The following ACBD6 variants were observed in gnomAD, a reference collection of about 807,000 sequenced individuals.
ACBD6 encodes acyl-CoA-binding domain-containing protein 6.
A neutral mutation model predicts 37.2 loss-of-function variants in ACBD6; 28 were observed. The observed-to-expected ratio is 0.75, with a 90% CI of 0.56 to 1.03. The LOEUF (loss-of-function observed/expected upper bound fraction) is 1.03. Ranked by LOEUF, ACBD6 falls within the 50% of genes least tolerant of loss-of-function variation. The probability of loss-of-function intolerance (pLI) is 0.00; values close to 1 mark genes in which losing one functional copy is unlikely to be tolerated. For missense variants in ACBD6, 340 were observed against 337.4 expected (o/e 1.01, Z -0.06); for synonymous variants, 113 against 126.8 (o/e 0.89, Z 0.73).
intron 3 of ACBD6, among the ~76,000 whole-genome samples, chr1:180,453,892 G>A (rs1182828472): frequency 1.3e-5 from 2 of 152,006 alleles, no homozygotes; most frequent in African/African-American, 2.4e-5. Flanking sequence ...AAATAAGAGA[G>A]GACATAAACA....
chr1:180,274,086 G>A (rs1223280211), exon 11 of ACBD6: 1 of 1,467,990 alleles, frequency 6.8e-7, no homozygotes, highest in Non-Finnish European at 9.5e-7. Flanking sequence ...TGCCATCCTT[G>A]GGCATCTTTC....
chr1:180,392,814 CGAGAGGG>C (rs1365593069), intron 6 of ACBD6, among the ~76,000 whole-genome samples: 78 of 151,964 alleles, frequency 5.1e-4, no homozygotes, highest in African/African-American at 1.8e-3. Flanking sequence ...AGGTATTCAC[CGAGAGGG>C]CGCAGGGCTA....
intron 3 of ACBD6, among the ~76,000 whole-genome samples, chr1:180,465,692 C>T (rs950240456): frequency 3.3e-5 from 5 of 152,046 alleles, no homozygotes; most frequent in Non-Finnish European, 7.4e-5. Context: ...AAGCATTTTA[C>T]CCAAAGACAC....
At chr1:180,318,666 A>G (rs1650930968) in intron 6 of ACBD6, among the ~76,000 whole-genome samples, 1 of 152,106 alleles carries the variant, frequency 6.6e-6, no homozygotes, top group Non-Finnish European at 1.5e-5. Context: ...ACCCACCTTC[A>G]CCGCCACCCC....
At position 180,436,457 on chromosome 1, in the gene ACBD6, G is replaced by A. The variant is rs74132848; in HGVS notation, c.385-6195C>T. Among the ~76,000 whole-genome samples, 1,017 of 152,246 alleles carry A rather than the reference G, an allele frequency of 6.7e-3. 17 individuals are homozygous for A. Among genetic ancestry groups the A allele is most frequent in the African/African-American group, 0.023 (970 of 41,540 alleles). ...AACGTCTGCAGAGTGGTGTGGTCAC[G>A]ATTCTTTTGTGCCATTTTGGGGTGG... is the stretch of plus-strand genomic sequence containing the variant. On this transcript the variant is annotated intron_variant, in intron 3 of 7. Transcript: ENST00000367595.
chr1:180,416,259 C>T (rs1648091194), intron 4 of ACBD6, among the ~76,000 whole-genome samples: 1 of 152,052 alleles, frequency 6.6e-6, no homozygotes, highest in Non-Finnish European at 1.5e-5. Flanking sequence ...TCCTTTCTTG[C>T]CCCCTAAAAT....
intron 5 of ACBD6, among the ~76,000 whole-genome samples, chr1:180,404,151 A>G (rs1189813986): frequency 6.6e-6 from 1 of 152,046 alleles, no homozygotes; most frequent in Non-Finnish European, 1.5e-5. Flanking sequence ...GGGTTTCACC[A>G]TGTTGGCCAA....
chr1:180,375,276 C>A (rs1319322776), intron 6 of ACBD6, among the ~76,000 whole-genome samples: 2 of 151,914 alleles, frequency 1.3e-5, no homozygotes, highest in African/African-American at 2.4e-5. Context: ...AAATTAAACC[C>A]CAAACATAAG....
chr1:180,452,117 A>C (rs1649729618), intron 3 of ACBD6, among the ~76,000 whole-genome samples: 1 of 152,172 alleles, frequency 6.6e-6, no homozygotes, highest in South Asian at 2.1e-4. Context: ...TTAGAGGGAA[A>C]TTTATAGCAC....
chr1:180,456,465 G>A (rs1649929152), intron 3 of ACBD6, among the ~76,000 whole-genome samples: 1 of 152,072 alleles, frequency 6.6e-6, no homozygotes, highest in Admixed American at 6.6e-5. Context: ...GTATTTTATT[G>A]AGGATCGGCT....
At chr1:180,392,016 T>C (rs745554136) in intron 6 of ACBD6, among the ~76,000 whole-genome samples, 1 of 152,128 alleles carries the variant, frequency 6.6e-6, no homozygotes, top group African/African-American at 2.4e-5. Context: ...CTCTCACAAA[T>C]GTTATGTTGA....
intron 7 of ACBD6, among the ~76,000 whole-genome samples, chr1:180,311,249 T>A (rs766326871): frequency 3.3e-5 from 5 of 152,132 alleles, no homozygotes; most frequent in Admixed American, 1.3e-4. Context: ...TGATGGGACT[T>A]TGGAGGCAAG....
intron 3 of ACBD6, among the ~76,000 whole-genome samples, chr1:180,430,745 T>C (rs182021150): frequency 4.1e-5 from 6 of 146,382 alleles, no homozygotes; most frequent in Admixed American, 3.4e-4. Flanking sequence ...AGAGGAGGGA[T>C]AGGAAAGGAG....
chr1:180,306,585 G>A (rs1166780687), intron 7 of ACBD6, among the ~76,000 whole-genome samples: 1 of 152,026 alleles, frequency 6.6e-6, no homozygotes, highest in Non-Finnish European at 1.5e-5. Context: ...TTTTGTGTCT[G>A]GCATCTCAGC....
chr1:180,440,742 C>A (rs1188315010), intron 3 of ACBD6, among the ~76,000 whole-genome samples: 1 of 152,122 alleles, frequency 6.6e-6, no homozygotes, highest in Non-Finnish European at 1.5e-5. Flanking sequence ...CAACACCAAT[C>A]TGCTTTCTGT....
At chr1:180,286,697 T>A (rs1649511566), downstream of ACBD6, among the ~76,000 whole-genome samples, 1 of 152,216 alleles carries the variant, frequency 6.6e-6, no homozygotes, top group Non-Finnish European at 1.5e-5. Context: ...AATATGCATA[T>A]CACTTCCACA....
intron 1 of ACBD6, among the ~76,000 whole-genome samples, chr1:180,496,109 AT>A (rs1410677279): frequency 6.6e-6 from 1 of 152,214 alleles, no homozygotes; most frequent in Non-Finnish European, 1.5e-5. Flanking sequence ...TTTTTCTACA[AT>A]AGTCTTATCA....
At chr1:180,480,199 GA>G (rs1180539313) in intron 3 of ACBD6, among the ~76,000 whole-genome samples, 9 of 152,128 alleles carry the variant, frequency 5.9e-5, no homozygotes, top group Admixed American at 1.3e-4. Context: ...TATACATTCA[GA>G]TAAGTCACGT....
intron 5 of ACBD6, among the ~76,000 whole-genome samples, chr1:180,407,535 A>G (rs997416359): frequency 2.6e-5 from 4 of 152,188 alleles, no homozygotes; most frequent in African/African-American, 9.7e-5. Flanking sequence ...ACTTCCAGTA[A>G]TATTTTATAA....
Sources: gnomAD v4.1 joint callset for allele counts (sites outside exome capture counted in the v4.1 genomes callset) on GRCh38, gnomAD v4.1.1 for gene constraint, MANE v1.5 for transcripts, NCBI Gene and HGNC (gene_info 2026-07-23, HGNC 2026-07-21) for gene names.